Variants in FHIT observed in about 807,000 individuals in gnomAD.
FHIT encodes bis(5'-adenosyl)-triphosphatase.
Under a neutral mutation model 17.9 loss-of-function variants are expected in FHIT, and 19 were observed. The observed-to-expected ratio is 1.06, with a 90% CI of 0.74 to 1.56. The LOEUF (loss-of-function observed/expected upper bound fraction) is 1.56, where lower values mean the gene tolerates loss of function less well. Ranked by LOEUF, FHIT falls within the 40% of genes most tolerant of loss-of-function variation. FHIT has a pLI of 0.00. For missense variants in FHIT, 248 were observed against 189.2 expected, an observed-to-expected ratio of 1.31 and a Z score of -1.82; for synonymous variants, 81 against 69.7, an observed-to-expected ratio of 1.16 and a Z score of -0.81.
intron 7 of FHIT, among the ~76,000 whole-genome samples, chr3:59,937,987 C>A (rs1034373180): frequency 4.6e-5 from 7 of 152,146 alleles, no homozygotes; most frequent in Non-Finnish European, 8.8e-5. Flanking sequence ...TGGGGCAAAT[C>A]TCAACCTACA....
At chr3:61,118,856 T>C (rs1243426106) in intron 2 of FHIT, among the ~76,000 whole-genome samples, 2 of 152,176 alleles carry the variant, frequency 1.3e-5, no homozygotes, top group Non-Finnish European at 2.9e-5. Flanking sequence ...GATATCCCAT[T>C]TGCAAGCAGG....
chr3:60,152,465 G>C (rs1700509136), intron 5 of FHIT, among the ~76,000 whole-genome samples: 2 of 152,176 alleles, frequency 1.3e-5, no homozygotes, highest in African/African-American at 4.8e-5. Context: ...CTTCCAGAAG[G>C]TCAAGAGATC....
intron 3 of FHIT, among the ~76,000 whole-genome samples, chr3:60,945,707 G>A (rs1377639219): frequency 2.0e-5 from 3 of 152,186 alleles, no homozygotes; most frequent in Non-Finnish European, 4.4e-5. Flanking sequence ...GATGGGGACT[G>A]TGGGGATGGA....
intron 7 of FHIT, among the ~76,000 whole-genome samples, chr3:59,943,186 C>T (rs1212580658): frequency 8.5e-5 from 13 of 152,062 alleles, no homozygotes; most frequent in African/African-American, 2.7e-4. Flanking sequence ...GGTAGTAAAA[C>T]GGAAAATAGG....
At chr3:59,802,657 C>T (rs548417194) in intron 8 of FHIT, among the ~76,000 whole-genome samples, 17 of 152,132 alleles carry the variant, frequency 1.1e-4, no homozygotes, top group Non-Finnish European at 2.4e-4. Flanking sequence ...GGACTCAGCC[C>T]GCCTGCACCC....
intron 4 of FHIT, among the ~76,000 whole-genome samples, chr3:60,609,707 T>A (rs78927785): frequency 0.022 from 3,324 of 152,246 alleles, 64 homozygotes; most frequent in Middle Eastern, 0.044. Flanking sequence ...AACTCTCAAA[T>A]AGCCTTTCCA....
At chr3:60,200,846 C>T (rs1702868431) in intron 5 of FHIT, among the ~76,000 whole-genome samples, 1 of 152,278 alleles carries the variant, frequency 6.6e-6, no homozygotes, top group Non-Finnish European at 1.5e-5. Flanking sequence ...GTTGAGGCTA[C>T]TGATTCAGTT....
At chr3:60,556,791 C>G (rs2036755228) in intron 4 of FHIT, among the ~76,000 whole-genome samples, 1 of 152,228 alleles carries the variant, frequency 6.6e-6, no homozygotes, top group Admixed American at 6.5e-5. Context: ...CTGCCTTTGT[C>G]CCCTGTAGCT....
rs945184200 is a variant in FHIT, at chr3:59,801,501, T to C, written c.349-49180A>G. Among the ~76,000 whole-genome samples, 3 of 152,162 alleles carry C rather than the reference T, an allele frequency of 2.0e-5. No individual in the cohort carries two copies. The South Asian group carries it at 6.2e-4, about 32-fold the overall frequency. ...TTCCTTCTTTGTACATTTCTGAATGTTTAGTTTCCCTATATAAGTGAAAAT... is the reference window on the plus strand; with the variant it reads ...TTCCTTCTTTGTACATTTCTGAATGCTTAGTTTCCCTATATAAGTGAAAAT... On this transcript the variant is annotated intron_variant, in intron 8 of 9. Coordinates refer to ENST00000492590, the MANE Select transcript of FHIT (RefSeq NM_002012.4).
chr3:60,529,125 T>C (rs1014627578), intron 5 of FHIT, among the ~76,000 whole-genome samples: 2 of 152,200 alleles, frequency 1.3e-5, no homozygotes, highest in African/African-American at 4.8e-5. Flanking sequence ...ATAAGTCCAA[T>C]GTAGGATTTG....
chr3:60,538,920 C>A (rs958551217), intron 4 of FHIT, among the ~76,000 whole-genome samples: 1 of 151,962 alleles, frequency 6.6e-6, no homozygotes, highest in African/African-American at 2.4e-5. Context: ...GCAATGGCAA[C>A]AAAAGCCAAA....
chr3:61,171,646 G>A (rs1306046452), intron 2 of FHIT, among the ~76,000 whole-genome samples: 2 of 152,156 alleles, frequency 1.3e-5, no homozygotes, highest in African/African-American at 4.8e-5. Context: ...CTGTGAAACA[G>A]GATGATTATG....
Position 60,258,102 on chromosome 3 carries a change from C to A in FHIT, c.104-243950G>T, listed in dbSNP as rs201065558. 2.7e-3 allele frequency among the ~76,000 whole-genome samples: 227 copies of A among 85,494 alleles called. 2 individuals carry two copies. Among genetic ancestry groups the A allele is most frequent in the African/African-American group, 8.5e-3 (215 of 25,354 alleles). The allele number at this position is 85,494 out of a possible 152,430, so 56.1% of individuals were successfully genotyped here. ...CACACACACACACACACACACACAC[C>A]TCTGCAGATTTTGTACACACTCCAT... On this transcript the variant is annotated intron_variant, in intron 5 of 9. Transcript: ENST00000492590.
intron 5 of FHIT, among the ~76,000 whole-genome samples, chr3:60,215,546 G>A (rs1703659690): frequency 6.6e-6 from 1 of 152,104 alleles, no homozygotes; most frequent in South Asian, 2.1e-4. Context: ...CTGGGTGACA[G>A]AGTGGTACTC....
At chr3:60,807,892 G>A (rs1418969602) in intron 4 of FHIT, among the ~76,000 whole-genome samples, 1 of 152,136 alleles carries the variant, frequency 6.6e-6, no homozygotes, top group Non-Finnish European at 1.5e-5. Flanking sequence ...AAAGAAAGGG[G>A]AGGTGTACCT....
intron 8 of FHIT, among the ~76,000 whole-genome samples, chr3:59,775,101 C>A (rs1042178293): frequency 3.3e-5 from 5 of 152,166 alleles, no homozygotes; most frequent in Non-Finnish European, 5.9e-5. Context: ...CTTATTTGTT[C>A]AACAAGCAAT....
chr3:60,697,697 T>C (rs1179247743), intron 4 of FHIT, among the ~76,000 whole-genome samples: 2 of 152,166 alleles, frequency 1.3e-5, no homozygotes, highest in African/African-American at 4.8e-5. Flanking sequence ...CATTTCATAT[T>C]CTATTAATAT....
In FHIT at chr3:60,784,259, C is replaced by T. The variant is rs192398111; in HGVS notation, c.-18+37660G>A. ...ATTGGGAGCAACCTGTAAGAGGCCC[C>T]GGACAGCTGTGTCCATCCTCTGAAA... On this transcript the variant is annotated intron_variant, in intron 4 of 9. Transcript: ENST00000492590. Among the ~76,000 whole-genome samples, 597 of 152,150 alleles carry T rather than the reference C, an allele frequency of 3.9e-3. 4 individuals are homozygous for T. Among genetic ancestry groups the T allele is most frequent in the Middle Eastern group, 6.8e-3 (2 of 292 alleles).
intron 7 of FHIT, among the ~76,000 whole-genome samples, chr3:59,971,766 G>A (rs568023513): frequency 3.7e-4 from 56 of 152,230 alleles, no homozygotes; most frequent in Non-Finnish European, 6.3e-4. Flanking sequence ...GGCAAGATAC[G>A]TCAATTCTAA....
Sources: allele counts gnomAD v4.1 joint callset (sites outside exome capture counted in the v4.1 genomes callset), GRCh38; gene constraint gnomAD v4.1.1; transcripts MANE v1.5; gene names NCBI Gene and HGNC (gene_info 2026-07-23, HGNC 2026-07-21).